Variants in MNDA observed in about 807,000 individuals in gnomAD.
MNDA encodes the protein myeloid cell nuclear differentiation antigen.
A neutral mutation model predicts 37.8 loss-of-function variants in MNDA; 43 were observed. The ratio of observed to expected loss-of-function variants is 1.14; its 90% CI spans 0.89 to 1.47. The LOEUF (loss-of-function observed/expected upper bound fraction) is 1.47, where lower values mean the gene tolerates loss of function less well. Among genes scored for constraint, MNDA ranks in the 40% most tolerant of loss-of-function variants. The pLI is 0.00. For missense variants in MNDA, 536 were observed against 476.0 expected (o/e 1.13, Z -1.17); for synonymous variants, 181 against 169.0 (o/e 1.07, Z -0.55).
At chr1:158,833,279 C>T (rs1658840514) in intron 1 of MNDA, among the ~76,000 whole-genome samples, 1 of 152,120 alleles carries the variant, frequency 6.6e-6, no homozygotes, top group African/African-American at 2.4e-5. Flanking sequence ...ATTTTCACTG[C>T]CAAGCTTCTG....
At position 158,842,465 on chromosome 1, in the gene MNDA, C is replaced by T. The variant is rs562582829; in HGVS notation, c.265+47C>T. 2.9e-5 allele frequency: 45 copies of T among 1,553,986 alleles called. No individual in the cohort carries two copies. In the Admixed American group the frequency reaches 8.9e-4, roughly 31 times the overall value. The stretch of plus-strand genomic sequence containing the variant: ...ATAGCTACTCTGCCTTGAGTCTCCC[C>T]AGTCTTCAGTAGAACCCCACCTTGG... On this transcript the variant is annotated intron_variant, in intron 2 of 6. Coordinates refer to ENST00000368141, the MANE Select transcript of MNDA (RefSeq NM_002432.3).
intron 1 of MNDA, among the ~76,000 whole-genome samples, chr1:158,831,810 A>G (rs1658809381): frequency 6.6e-6 from 1 of 152,194 alleles, no homozygotes; most frequent in African/African-American, 2.4e-5. Flanking sequence ...GTCTTTTGGC[A>G]TAAATTGATA....
Position 158,843,367 on chromosome 1 carries a change from A to G in MNDA, c.354A>G (p.Ala118=). Reference sequence around the variant, plus strand: ...GTCTTGCGGCACCTGCACCCACCGCAAGAAACAAACTGACATCGGAAGCAA... The same window carrying G: ...GTCTTGCGGCACCTGCACCCACCGCGAGAAACAAACTGACATCGGAAGCAA... ...EVGLAAPAPT[A]RNKLTSEARG... The change falls in exon 3 of 7, where the codon GCA becomes GCG. Residue 118 remains alanine, a synonymous_variant. Coordinates refer to ENST00000368141, the MANE Select transcript of MNDA (RefSeq NM_002432.3). 1.2e-6 allele frequency: 2 copies of G among 1,612,970 alleles called. No individual in the cohort carries two copies. The highest frequency in any genetic ancestry group is 1.7e-6 in the Non-Finnish European group (2 of 1,179,494).
intron 4 of MNDA, among the ~76,000 whole-genome samples, chr1:158,844,460 C>T (rs1659093789): frequency 6.6e-6 from 1 of 150,572 alleles, no homozygotes; most frequent in African/African-American, 2.5e-5. Flanking sequence ...CCAACGTTCT[C>T]TTCAGAAAAG....
In MNDA at chr1:158,845,614, G is replaced by A. The variant is rs1328710698; in HGVS notation, c.598G>A (p.Val200Met). 8.1e-6 allele frequency: 13 copies of A among 1,613,250 alleles called. No individual in the cohort carries two copies. The highest frequency in any genetic ancestry group is 1.1e-5 in the Non-Finnish European group (13 of 1,179,506). ...TCAGGAAACCCAGGCCCAACGGCAG[G>A]TGGATGCAAGAAGAAATGTTCCCCA... ...PNQETQAQRQ[V>M]DARRNVPQND... The change falls in exon 5 of 7, where the codon GTG (valine) becomes ATG (methionine). Residue 200 changes from valine to methionine, a missense_variant. Coordinates refer to ENST00000368141, the MANE Select transcript of MNDA (RefSeq NM_002432.3).
chr1:158,842,321 C>T lies in MNDA; in HGVS notation c.168C>T (p.Phe56=), dbSNP rs1448181308. Residue 56 remains phenylalanine, a synonymous_variant, in exon 2 of 7, where the codon TTC becomes TTT. Transcript: ENST00000368141. The stretch of plus-strand genomic sequence containing the variant: ...TTACAGATTTGATGGAAAAAAAGTT[C>T]CAAGGCGTTGCCTGTCTAGACAAAC... The part of the protein sequence containing the change: ...IKITDLMEKK[F]QGVACLDKLI... 4 of 1,614,102 alleles carry T rather than the reference C, an allele frequency of 2.5e-6. No individual in the cohort carries two copies. Among genetic ancestry groups the T allele is most frequent in the Non-Finnish European group, 3.4e-6 (4 of 1,179,992 alleles).
At chr1:158,842,551 T>A in intron 2 of MNDA, 133 bp downstream of exon 2, 1 of 887,494 alleles carries the variant, frequency 1.1e-6, no homozygotes. Flanking sequence ...TGTTGGCACC[T>A]CAGAGACTGA....
intron 5 of MNDA, 54 bp downstream of exon 5, chr1:158,846,057 C>T: frequency 1.4e-6 from 2 of 1,454,804 alleles, no homozygotes; most frequent in South Asian, 2.7e-5. Context: ...AAATAAATGT[C>T]TTAATTTGCC....
chr1:158,847,150 C>A (rs1194631002), intron 5 of MNDA, among the ~76,000 whole-genome samples: 1 of 152,086 alleles, frequency 6.6e-6, no homozygotes, highest in Non-Finnish European at 1.5e-5. Context: ...ACTTTCAAGA[C>A]TCAGAAGCGG....
intron 1 of MNDA, among the ~76,000 whole-genome samples, chr1:158,837,049 TA>T (rs1012249754): frequency 5.9e-5 from 9 of 151,932 alleles, no homozygotes; most frequent in South Asian, 4.1e-4. Context: ...TCCATTATGA[TA>T]AAAAAATATA....
intron 5 of MNDA, 117 bp downstream of exon 5, chr1:158,846,120 T>G (rs1659128949): frequency 5.1e-6 from 5 of 987,958 alleles, no homozygotes; most frequent in Non-Finnish European, 7.4e-6. Context: ...CTAGAGATAG[T>G]GATGAAGTTG....
intron 4 of MNDA, among the ~76,000 whole-genome samples, chr1:158,845,127 C>T (rs936233767): frequency 9.8e-5 from 15 of 152,338 alleles, no homozygotes; most frequent in African/African-American, 3.6e-4. Context: ...GCCTAGCCCC[C>T]AGCTCCAAAT....
Position 158,845,631 on chromosome 1 carries a change from T to C in MNDA, c.615T>C (p.Asn205=), listed in dbSNP as rs777212094. ...QAQRQVDARR[N]VPQNDPVTVV... Reference sequence around the variant, plus strand: ...AACGGCAGGTGGATGCAAGAAGAAATGTTCCCCAAAACGACCCAGTGACAG... The same window carrying C: ...AACGGCAGGTGGATGCAAGAAGAAACGTTCCCCAAAACGACCCAGTGACAG... Residue 205 remains asparagine (N), a synonymous_variant, in exon 5 of 7, where the codon AAT becomes AAC. Transcript: ENST00000368141. The C allele has an allele frequency of 6.2e-7, 1 of 1,613,582 alleles. No homozygotes were observed. Among genetic ancestry groups the C allele is most frequent in the South Asian group, 1.1e-5 (1 of 91,040 alleles).
chr1:158,831,787 T>C (rs1658808878), intron 1 of MNDA, among the ~76,000 whole-genome samples: 1 of 152,174 alleles, frequency 6.6e-6, no homozygotes, highest in Admixed American at 6.5e-5. Flanking sequence ...GTTTTAAAAA[T>C]TAATTCTTGG....
rs145135870 is a variant in MNDA at position 158,842,271 on chromosome 1, C to A, written c.118C>A (p.Gln40Lys). ...AYDLGLTTKM[Q>K]EEYNRIKITD... Reference sequence around the variant, plus strand: ...TGATTTAGGACTAACTACAAAAATGCAAGAGGAATACAACAGAATTAAGAT... The same window carrying A: ...TGATTTAGGACTAACTACAAAAATGAAAGAGGAATACAACAGAATTAAGAT... The change falls in exon 2 of 7, where the codon CAA becomes AAA. Residue 40 changes from glutamine to lysine, a missense_variant. Gln to Lys is a moderately conservative substitution (Grantham distance 53). Coordinates refer to ENST00000368141, the MANE Select transcript of MNDA (RefSeq NM_002432.3). The A allele has an allele frequency of 2.5e-6, 4 of 1,614,004 alleles. No individual in the cohort carries two copies. The highest frequency in any genetic ancestry group is 3.4e-6 in the Non-Finnish European group (4 of 1,179,960).
chr1:158,833,312 T>C (rs1001477663), intron 1 of MNDA, among the ~76,000 whole-genome samples: 1 of 152,220 alleles, frequency 6.6e-6, no homozygotes, highest in Non-Finnish European at 1.5e-5. Context: ...ATAATAATTG[T>C]TTTCTTTTAA....
intron 1 of MNDA, among the ~76,000 whole-genome samples, chr1:158,836,482 A>G (rs923718138): frequency 6.6e-6 from 1 of 151,906 alleles, no homozygotes; most frequent in African/African-American, 2.4e-5. Flanking sequence ...TAATTTATCC[A>G]TTTATCCATT....
At chr1:158,845,351 C>T (rs572968065) in intron 4 of MNDA, among the ~76,000 whole-genome samples, 1 of 152,292 alleles carries the variant, frequency 6.6e-6, no homozygotes, top group Non-Finnish European at 1.5e-5. Flanking sequence ...CATTCTGCTG[C>T]CTCAGCCTCC....
chr1:158,846,197 C>G (rs1659130088), intron 5 of MNDA, among the ~76,000 whole-genome samples, 194 bp downstream of exon 5: 1 of 152,084 alleles, frequency 6.6e-6, no homozygotes, highest in Non-Finnish European at 1.5e-5. Context: ...AATGTAGGGA[C>G]TTTGAAAAAA....
Sources: gnomAD v4.1 joint callset for allele counts (sites outside exome capture counted in the v4.1 genomes callset) on GRCh38, gnomAD v4.1.1 for gene constraint, MANE v1.5 for transcripts, NCBI Gene and HGNC (gene_info 2026-07-23, HGNC 2026-07-21) for gene names.